The following PTPN9 variants were observed in gnomAD, a reference collection of about 807,000 sequenced individuals.
PTPN9 encodes the protein tyrosine-protein phosphatase non-receptor type 9.
In PTPN9, 26 loss-of-function variants were observed where a neutral mutation model predicts 69.8. The ratio of observed to expected loss-of-function variants is 0.37; its 90% CI spans 0.27 to 0.52. PTPN9 has a LOEUF of 0.52. Among genes scored for constraint, PTPN9 ranks in the 20% least tolerant of loss-of-function variants. PTPN9 has a pLI of 0.91. For missense variants in PTPN9, 549 were observed against 740.3 expected (o/e 0.74, Z 3.00); for synonymous variants, 274 against 272.5 (o/e 1.01, Z -0.05).
At chr15:75,509,892 G>A (rs2074837481) in intron 5 of PTPN9, among the ~76,000 whole-genome samples, 1 of 152,178 alleles carries the variant, frequency 6.6e-6, no homozygotes. Flanking sequence ...GCTAAGGCAG[G>A]AGAATCGCTT....
At chr15:75,470,592 A>T in intron 11 of PTPN9, 88 bp downstream of exon 11, 1 of 1,482,760 alleles carries the variant, frequency 6.7e-7, no homozygotes, top group Admixed American at 2.0e-5. Context: ...CTTCCCTGGT[A>T]TCCTACCTAT....
intron 1 of PTPN9, among the ~76,000 whole-genome samples, chr15:75,558,898 G>A (rs1462393292): frequency 2.0e-5 from 3 of 151,528 alleles, no homozygotes; most frequent in Non-Finnish European, 2.9e-5. Context: ...CCTCCCAGCC[G>A]CCTGCCTTGG....
At chr15:75,481,332 A>T in intron 8 of PTPN9, among the ~76,000 whole-genome samples, 1 of 46,784 alleles carries the variant, frequency 2.1e-5, no homozygotes, top group African/African-American at 7.7e-5. Context: ...CCCGTCCGGG[A>T]GGGAGGTGGG....
chr15:75,517,279 T>C lies in PTPN9; in HGVS notation c.508A>G (p.Lys170Glu). 1 of 1,613,784 alleles carries C rather than the reference T, an allele frequency of 6.2e-7. No individual in the cohort carries two copies. ...CTTACCTTCAGCAGGTTTAGGACTT[T>C]CTTGCCAAGATCCAGCTCAAAGTTG... is the stretch of plus-strand genomic sequence containing the variant. ...YANFELDLGKKVLNLLKGAFP... is the reference protein window; with the variant it reads ...YANFELDLGKEVLNLLKGAFP... The change falls in exon 5 of 13, where the codon AAA becomes GAA. Residue 170 changes from lysine to glutamate, a missense_variant. By Grantham distance (56) the Lys-to-Glu change is moderately conservative. This residue lies in a region of PTPN9 where 457 missense variants were observed against 661.9 expected (regional missense o/e 0.69). Coordinates refer to ENST00000618819, the MANE Select transcript of PTPN9 (RefSeq NM_002833.4).
chr15:75,489,652 G>GA (rs2074698488), intron 8 of PTPN9, among the ~76,000 whole-genome samples: 1 of 152,068 alleles, frequency 6.6e-6, no homozygotes, highest in African/African-American at 2.4e-5. Flanking sequence ...TAAAGTGTTT[G>GA]AATAAAATGT....
At chr15:75,504,052 C>A (rs1595955211) in intron 7 of PTPN9, among the ~76,000 whole-genome samples, 2 of 122,952 alleles carry the variant, frequency 1.6e-5, no homozygotes, top group South Asian at 2.7e-4. Context: ...CCCCGCCCGG[C>A]CAGCCGACCC....
At chr15:75,561,709 T>A (rs2075104667) in intron 1 of PTPN9, among the ~76,000 whole-genome samples, 1 of 151,900 alleles carries the variant, frequency 6.6e-6, no homozygotes, top group Non-Finnish European at 1.5e-5. Context: ...TTTATTTTAT[T>A]TTTTATTACT....
chr15:75,573,854 C>G (rs989787697), intron 1 of PTPN9, among the ~76,000 whole-genome samples: 1 of 152,178 alleles, frequency 6.6e-6, no homozygotes, highest in African/African-American at 2.4e-5. Context: ...AAATGGTGCT[C>G]TGAGAACCTA....
chr15:75,551,663 G>A (rs779888750), intron 1 of PTPN9, among the ~76,000 whole-genome samples: 9 of 152,110 alleles, frequency 5.9e-5, no homozygotes, highest in Non-Finnish European at 1.3e-4. Context: ...TTACAGAGGC[G>A]TAGCATCCCA....
At chr15:75,503,232 A>G (rs1195165550) in intron 7 of PTPN9, among the ~76,000 whole-genome samples, 2 of 148,944 alleles carry the variant, frequency 1.3e-5, no homozygotes, top group African/African-American at 2.5e-5. Context: ...GGAAGTGAGG[A>G]GCATCTCTGC....
intron 6 of PTPN9, among the ~76,000 whole-genome samples, chr15:75,506,842 T>C (rs1264114986): frequency 6.6e-6 from 1 of 151,992 alleles, no homozygotes; most frequent in Non-Finnish European, 1.5e-5. Context: ...ATGCCTTCCT[T>C]TCCTCCTCTG....
At chr15:75,556,641 G>C (rs1165685924) in intron 1 of PTPN9, among the ~76,000 whole-genome samples, 2 of 151,990 alleles carry the variant, frequency 1.3e-5, no homozygotes, top group African/African-American at 2.4e-5. Context: ...GTCTCCCAAA[G>C]TGCTGGGATT....
chr15:75,515,752 G>C (rs1180165590), intron 5 of PTPN9, among the ~76,000 whole-genome samples: 2 of 151,992 alleles, frequency 1.3e-5, no homozygotes, highest in African/African-American at 4.8e-5. Flanking sequence ...ACAAAAATTG[G>C]CCGGGCGGGG....
At position 75,566,638 on chromosome 15, in the gene PTPN9, C is replaced by G. The variant is rs544368312; in HGVS notation, c.63+12076G>C. ...AGGTTGCAGTGAGCTGAGATCGCAC[C>G]ACTGCACTCCAGCCTGGGCGACAGA... On this transcript the variant is annotated intron_variant, in intron 1 of 12. Coordinates refer to ENST00000618819, the MANE Select transcript of PTPN9 (RefSeq NM_002833.4). Among the ~76,000 whole-genome samples the G allele has an allele frequency of 2.6e-4, 39 of 151,672 alleles. No individual in the cohort carries two copies. In the South Asian group the frequency reaches 7.9e-3, roughly 31 times the overall value.
intron 2 of PTPN9, among the ~76,000 whole-genome samples, chr15:75,526,497 A>G (rs1206005558): frequency 2.6e-5 from 4 of 152,074 alleles, no homozygotes; most frequent in Admixed American, 1.3e-4. Context: ...TTCTGACCCC[A>G]AAGTAACATG....
chr15:75,520,484 G>GATAGATAGATA (rs1567500031), intron 4 of PTPN9, among the ~76,000 whole-genome samples: 5 of 62,810 alleles, frequency 8.0e-5, no homozygotes, highest in African/African-American at 2.6e-4. Flanking sequence ...ATAGATAGAT[G>GATAGATAGATA]TGTGTGTGTT....
In PTPN9 at chr15:75,578,704, G is replaced by C; in HGVS notation, c.63+10C>G. On this transcript the variant is annotated intron_variant, in intron 1 of 12. Transcript: ENST00000618819. ...GACACACCCAACGCGGCGGCCTCGG[G>C]CCCGCTTACCTGCTCCTCCTCCGGG... 7.3e-7 allele frequency: 1 copy of C among 1,370,688 alleles called. No individual in the cohort carries two copies. Among genetic ancestry groups the C allele is most frequent in the South Asian group, 1.6e-5 (1 of 61,902 alleles). The allele number at this position is 1,370,688 out of a possible 1,614,324, so 84.9% of individuals were successfully genotyped here.
chr15:75,481,887 C>A, intron 8 of PTPN9, among the ~76,000 whole-genome samples: 1 of 145,602 alleles, frequency 6.9e-6, no homozygotes, highest in African/African-American at 2.6e-5. Flanking sequence ...TGAGGGGGCG[C>A]CTCTGCCCGG....
chr15:75,498,888 G>C (rs1288457317), intron 7 of PTPN9, among the ~76,000 whole-genome samples: 1 of 152,098 alleles, frequency 6.6e-6, no homozygotes, highest in Non-Finnish European at 1.5e-5. Context: ...AAACTGCACA[G>C]AACTAAATAC....
Sources: allele counts gnomAD v4.1 joint callset (sites outside exome capture counted in the v4.1 genomes callset), GRCh38; gene constraint gnomAD v4.1.1; regional missense constraint gnomAD v4.1.1; transcripts MANE v1.5; gene names NCBI Gene and HGNC (gene_info 2026-07-23, HGNC 2026-07-21).